Variants in UGGT1 observed in about 807,000 individuals in gnomAD.
UGGT1 encodes UDP-glucose:glycoprotein glucosyltransferase 1.
In UGGT1, 107 loss-of-function variants were observed where a neutral mutation model predicts 203.9. That is an observed-to-expected ratio of 0.52 (90% CI 0.45 to 0.62). The LOEUF is 0.62. Among genes scored for constraint, UGGT1 ranks in the 20% least tolerant of loss-of-function variants. UGGT1 has a pLI of 0.00. For synonymous variants in UGGT1, 628 were observed against 653.5 expected, an observed-to-expected ratio of 0.96 and a Z score of 0.59; for missense variants, 1,673 against 1,867.2, an observed-to-expected ratio of 0.90 and a Z score of 1.92.
Position 128,143,237 on chromosome 2 carries a change from C to CT in UGGT1, c.1851+15dup. 1 of 1,612,066 alleles carries CT rather than the reference C, an allele frequency of 6.2e-7. No homozygotes were observed. On this transcript the variant is annotated intron_variant, in intron 17 of 40. Transcript: ENST00000259253. ...ATCGGAATCGGAAGGTAAAAAATTT[C>CT]TTTGTGTTTCTTATTTGATTGCAAC...
At position 128,120,227 on chromosome 2, in the gene UGGT1, T is replaced by C. The variant is rs1039906039; in HGVS notation, c.873-129T>C. 21 of 707,344 alleles carry C rather than the reference T, an allele frequency of 3.0e-5. No individual in the cohort carries two copies. In the Admixed American group the frequency reaches 3.5e-4, roughly 12 times the overall value. 43.8% of individuals were successfully genotyped at this position (707,344 alleles called of 1,614,324 possible). A position where few individuals can be genotyped will look rare whatever the true frequency, so the allele number is the denominator to read the frequency against. ...AGAGGAATAATTATACTTCATTTTT[T>C]CCCCCTATGTCGTAGAAAATTTCCT... On this transcript the variant is annotated intron_variant, in intron 8 of 40. Transcript: ENST00000259253.
In UGGT1 at chr2:128,107,923, G is replaced by A. The variant is rs1392965465; in HGVS notation, c.278-15G>A. ...GTCATACGCAATTACTTTGGTTAAT[G>A]TTCTTCCTTGACAGGTACCGATTAT... On this transcript the variant is annotated splice_polypyrimidine_tract_variant and intron_variant, in intron 3 of 40. Coordinates refer to ENST00000259253, the MANE Select transcript of UGGT1 (RefSeq NM_020120.4). 1.2e-6 allele frequency: 2 copies of A among 1,613,882 alleles called. No homozygotes were observed. Among genetic ancestry groups the A allele is most frequent in the Non-Finnish European group, 8.5e-7 (1 of 1,179,914 alleles).
chr2:128,155,173 G>A (rs1016225554), intron 19 of UGGT1, among the ~76,000 whole-genome samples: 1 of 152,180 alleles, frequency 6.6e-6, no homozygotes, highest in East Asian at 1.9e-4. Flanking sequence ...AATGAGTTAA[G>A]GGGATCTCTT....
intron 16 of UGGT1, among the ~76,000 whole-genome samples, chr2:128,139,053 G>A (rs1558785216): frequency 1.3e-5 from 2 of 152,180 alleles, no homozygotes; most frequent in South Asian, 4.1e-4. Flanking sequence ...CAGTTGATGA[G>A]CTGTTGCAGT....
intron 8 of UGGT1, among the ~76,000 whole-genome samples, chr2:128,119,339 C>A (rs1688267913): frequency 6.6e-6 from 1 of 151,976 alleles, no homozygotes; most frequent in Admixed American, 6.6e-5. Context: ...CGCCTGTAAT[C>A]CCAGCACTTT....
chr2:128,137,976 T>G (rs1309070537), intron 15 of UGGT1, among the ~76,000 whole-genome samples: 1 of 152,202 alleles, frequency 6.6e-6, no homozygotes, highest in Admixed American at 6.5e-5. Context: ...GTTGTAAACC[T>G]TTTTTGGCTT....
chr2:128,149,332 G>A lies in UGGT1; in HGVS notation c.2016+3365G>A, dbSNP rs1405048394. The stretch of plus-strand genomic sequence containing the variant: ...GCTGGGATTATAGGCATGAGCCATC[G>A]TGCCTGGCCAGTATTCCATTATAAA... On this transcript the variant is annotated intron_variant, in intron 18 of 40. Transcript: ENST00000259253. Among the ~76,000 whole-genome samples, 7 of 149,882 alleles carry A rather than the reference G, an allele frequency of 4.7e-5. No homozygotes were observed. The East Asian group carries it at 1.5e-3, about 32-fold the overall frequency.
In UGGT1 at chr2:128,091,352, C is replaced by T. The variant is rs1360740794; in HGVS notation, c.-6C>T. 1 of 1,559,252 alleles carries T rather than the reference C, an allele frequency of 6.4e-7. No individual in the cohort carries two copies. On this transcript the variant is annotated 5_prime_UTR_variant, in exon 1 of 41. Coordinates refer to ENST00000259253, the MANE Select transcript of UGGT1 (RefSeq NM_020120.4). ...GGCACTGTGGCGGACTGACCACGGC[C>T]CGGGCATGGGCTGCAAGGGAGACGC...
chr2:128,126,612 A>G lies in UGGT1; in HGVS notation c.1135-749A>G, dbSNP rs534713757. On this transcript the variant is annotated intron_variant, in intron 11 of 40. Coordinates refer to ENST00000259253, the MANE Select transcript of UGGT1 (RefSeq NM_020120.4). The stretch of plus-strand genomic sequence containing the variant: ...AGTCATTCGTTTGATGAACTTTCCC[A>G]AAATGAACCCATCTATATTACCAGT... 2.0e-5 allele frequency among the ~76,000 whole-genome samples: 3 copies of G among 152,198 alleles called. No individual in the cohort carries two copies. In the East Asian group the frequency reaches 5.8e-4, roughly 29 times the overall value.
intron 19 of UGGT1, among the ~76,000 whole-genome samples, chr2:128,153,959 T>C (rs573027520): frequency 5.9e-5 from 9 of 152,294 alleles, no homozygotes; most frequent in South Asian, 2.1e-4. Flanking sequence ...TTGAGTATAA[T>C]GAACATATCA....
Position 128,103,920 on chromosome 2 carries a change from C to CTT in UGGT1, c.195-9_195-8dup. 1 of 1,571,042 alleles carries CTT rather than the reference C, an allele frequency of 6.4e-7. No homozygotes were observed. Among genetic ancestry groups the CTT allele is most frequent in the Non-Finnish European group, 8.6e-7 (1 of 1,164,798 alleles). ...TTTATTAAGTTGTTTTATTTCTGATCTTTTCTCCCAGTGAGTTTTTAGCAG... is the reference window on the plus strand; with the variant it reads ...TTTATTAAGTTGTTTTATTTCTGATCTTTTTTCTCCCAGTGAGTTTTTAGCAG... On this transcript the variant is annotated splice_polypyrimidine_tract_variant and intron_variant, in intron 2 of 40. Coordinates refer to ENST00000259253, the MANE Select transcript of UGGT1 (RefSeq NM_020120.4).
At chr2:128,092,605 C>CTT (rs55814829) in intron 1 of UGGT1, among the ~76,000 whole-genome samples, 39,774 of 126,578 alleles carry the variant, frequency 0.31, 7,034 homozygotes, top group Non-Finnish European at 0.4. Flanking sequence ...TTCTTTCTTT[C>CTT]TTTTTTTTTT....
intron 5 of UGGT1, among the ~76,000 whole-genome samples, chr2:128,110,229 C>T (rs1467730104): frequency 6.6e-6 from 1 of 152,122 alleles, no homozygotes; most frequent in African/African-American, 2.4e-5. Flanking sequence ...GGTGGGTTTC[C>T]TGTGGTAGAC....
At chr2:128,167,320 A>G (rs1210234952) in intron 26 of UGGT1, among the ~76,000 whole-genome samples, 2 of 152,234 alleles carry the variant, frequency 1.3e-5, no homozygotes, top group African/African-American at 4.8e-5. Context: ...GAGACAAATT[A>G]TAATTCCTAT....
intron 24 of UGGT1, 70 bp from the exon 25 acceptor site, chr2:128,161,068 G>C (rs540268440): frequency 2.0e-5 from 31 of 1,578,300 alleles, no homozygotes; most frequent in Middle Eastern, 1.8e-4. Context: ...GACGCCAGAG[G>C]GTTCCTTACC....
At chr2:128,174,058 G>A in intron 30 of UGGT1, 119 bp downstream of exon 30, 1 of 1,231,134 alleles carries the variant, frequency 8.1e-7, no homozygotes, top group Non-Finnish European at 1.1e-6. Context: ...ATTATGGGCT[G>A]AATTTGGTCA....
In UGGT1 at chr2:128,159,670, G is replaced by A; in HGVS notation, c.2512G>A (p.Ala838Thr). ...CATCACCAAAATGGCCAAGGAGGGG[G>A]CTGCAGAGGCCCTGGCTGCAGGAGC... is the stretch of plus-strand genomic sequence containing the variant. Reference protein sequence around the residue: ...NFITKMAKEGAAEALAAGADI... With the variant: ...NFITKMAKEGTAEALAAGADI... Residue 838 changes from alanine (A) to threonine (T), a missense_variant, in exon 23 of 41, where the codon GCT becomes ACT. Ala to Thr is a moderately conservative substitution (Grantham distance 58). Coordinates refer to ENST00000259253, the MANE Select transcript of UGGT1 (RefSeq NM_020120.4). 6.2e-7 allele frequency: 1 copy of A among 1,614,100 alleles called. No homozygotes were observed. The highest frequency in any genetic ancestry group is 8.5e-7 in the Non-Finnish European group (1 of 1,179,996).
intron 20 of UGGT1, 70 bp from the exon 21 acceptor site, chr2:128,156,322 A>G (rs1407289977): frequency 2.4e-6 from 3 of 1,245,704 alleles, no homozygotes; most frequent in Admixed American, 1.7e-5. Context: ...TAGACTTTCA[A>G]TTTTTACAGT....
At chr2:128,183,935 T>TGA (rs1326051001) in intron 38 of UGGT1, 146 bp downstream of exon 38, 132 of 518,546 alleles carry the variant, frequency 2.5e-4, no homozygotes, top group Non-Finnish European at 3.7e-4. Context: ...TGTGTGTGTG[T>TGA]GTGAGAGAGA....
Sources: gnomAD v4.1 joint callset for allele counts (sites outside exome capture counted in the v4.1 genomes callset) on GRCh38, gnomAD v4.1.1 for gene constraint, MANE v1.5 for transcripts, NCBI Gene and HGNC (gene_info 2026-07-23, HGNC 2026-07-21) for gene names.